Variants in UGT1A7 observed in about 807,000 individuals in gnomAD.
UGT1A7 encodes the protein UDP-glucuronosyltransferase 1A7.
A neutral mutation model predicts 45.6 loss-of-function variants in UGT1A7; 33 were observed. The ratio of observed to expected loss-of-function variants is 0.72; its 90% CI spans 0.55 to 0.97. The LOEUF is 0.97. UGT1A7 is among the 50% of genes least tolerant of loss of function. The pLI is 0.00. For missense variants in UGT1A7, 684 were observed against 666.2 expected (o/e 1.03, Z -0.29); for synonymous variants, 274 against 250.6 (o/e 1.09, Z -0.88).
chr2:233,724,253 C>T (rs2077196300), intron 1 of UGT1A7, among the ~76,000 whole-genome samples: 1 of 128,614 alleles, frequency 7.8e-6, no homozygotes, highest in Non-Finnish European at 1.7e-5. Flanking sequence ...AGGCGCCCCT[C>T]ACCTCCCGGA....
intron 1 of UGT1A7, chr2:233,713,496 G>A: frequency 3.1e-6 from 5 of 1,613,972 alleles, no homozygotes; most frequent in South Asian, 1.1e-5. Context: ...GTCGATTCCT[G>A]CTGTGTTTTT....
At chr2:233,745,643 G>C (rs1290211026) in intron 1 of UGT1A7, among the ~76,000 whole-genome samples, 1 of 151,416 alleles carries the variant, frequency 6.6e-6, no homozygotes, top group African/African-American at 2.4e-5. Context: ...CTGGCCGAGG[G>C]TAGAGTTCAG....
intron 1 of UGT1A7, chr2:233,717,743 G>A (rs182116418): frequency 2.2e-6 from 1 of 456,536 alleles, no homozygotes; most frequent in East Asian, 6.9e-5. Flanking sequence ...AGTGCTCAGG[G>A]TCTCCCCCTA....
chr2:233,720,322 A>G (rs1355455978), intron 1 of UGT1A7, among the ~76,000 whole-genome samples: 2 of 152,124 alleles, frequency 1.3e-5, no homozygotes, highest in African/African-American at 4.8e-5. Context: ...ATGTGGGGAC[A>G]TCGTAGAGTT....
At position 233,767,932 on chromosome 2, in the gene UGT1A7, G is replaced by C. The variant is rs754018098; in HGVS notation, c.1071G>C (p.Leu357=). The change falls in exon 3 of 5, where the codon CTG becomes CTC. Residue 357 remains leucine (L), a synonymous_variant. Coordinates refer to ENST00000373426, the MANE Select transcript of UGT1A7 (RefSeq NM_019077.3). ...TTAAGTGGCTACCCCAAAACGATCT[G>C]CTTGGTATGTTGGGCGGATTGGATG... ...ILVKWLPQND[L]LGHPMTRAFI... 3 of 1,614,064 alleles carry C rather than the reference G, an allele frequency of 1.9e-6. No individual in the cohort carries two copies. Among genetic ancestry groups the C allele is most frequent in the African/African-American group, 2.7e-5 (2 of 74,926 alleles).
At chr2:233,747,680 C>T (rs919271713) in intron 1 of UGT1A7, 69 of 1,607,988 alleles carry the variant, frequency 4.3e-5, no homozygotes, top group Non-Finnish European at 5.7e-5. Context: ...CAATTTACCT[C>T]TGTGGGGCAG....
chr2:233,706,522 G>A (rs1218157310), intron 1 of UGT1A7, among the ~76,000 whole-genome samples: 3 of 152,204 alleles, frequency 2.0e-5, no homozygotes, highest in South Asian at 4.1e-4. Flanking sequence ...ATTTTACAGC[G>A]GCTTAGAAAC....
intron 1 of UGT1A7, among the ~76,000 whole-genome samples, chr2:233,727,254 C>A (rs2077597251): frequency 6.6e-6 from 1 of 152,146 alleles, no homozygotes; most frequent in Admixed American, 6.5e-5. Flanking sequence ...CTGTGCAGCC[C>A]AGACCCCTCC....
At chr2:233,728,731 TG>T (rs1354171084) in intron 1 of UGT1A7, among the ~76,000 whole-genome samples, 1 of 152,164 alleles carries the variant, frequency 6.6e-6, no homozygotes, top group Non-Finnish European at 1.5e-5. Flanking sequence ...AGCATATGAC[TG>T]GGGGCTAGGG....
intron 1 of UGT1A7, chr2:233,747,707 A>C (rs1693758037): frequency 1.2e-6 from 2 of 1,612,800 alleles, no homozygotes; most frequent in East Asian, 4.5e-5. Context: ...CTAAGTACCT[A>C]TCAATTCCTG....
chr2:233,719,028 A>G (rs1032757626), intron 1 of UGT1A7: 1 of 1,614,250 alleles, frequency 6.2e-7, no homozygotes, highest in African/African-American at 1.3e-5. Context: ...TATGCACATC[A>G]AAGAAGAGAA....
intron 1 of UGT1A7, chr2:233,747,294 G>A (rs1361092863): frequency 6.2e-7 from 1 of 1,601,846 alleles, no homozygotes; most frequent in African/African-American, 1.3e-5. Flanking sequence ...CCTGGGCTGA[G>A]AGTGGGAAGG....
intron 1 of UGT1A7, among the ~76,000 whole-genome samples, chr2:233,703,389 A>T (rs77142050): frequency 0.032 from 4,829 of 151,980 alleles, 259 homozygotes; most frequent in African/African-American, 0.11. Flanking sequence ...TATATTTTCA[A>T]ATAAACAATT....
At chr2:233,724,359 C>G (rs1387977005) in intron 1 of UGT1A7, among the ~76,000 whole-genome samples, 2 of 146,918 alleles carry the variant, frequency 1.4e-5, no homozygotes, top group South Asian at 4.6e-4. Flanking sequence ...ACCTCCCTCC[C>G]GGACGGGGTG....
intron 1 of UGT1A7, chr2:233,729,571 G>T (rs965988508): frequency 1.2e-6 from 2 of 1,614,100 alleles, no homozygotes; most frequent in Non-Finnish European, 1.7e-6. Flanking sequence ...CTTTGATGTG[G>T]TTTTAACAGA....
At chr2:233,758,324 A>G (rs1465079880) in intron 1 of UGT1A7, among the ~76,000 whole-genome samples, 5 of 152,226 alleles carry the variant, frequency 3.3e-5, no homozygotes, top group Admixed American at 3.3e-4. Context: ...AAGCAGCCTC[A>G]AAAAGCTTGG....
chr2:233,683,242 T>C (rs1214148845), intron 1 of UGT1A7, among the ~76,000 whole-genome samples: 2 of 152,180 alleles, frequency 1.3e-5, no homozygotes, highest in Non-Finnish European at 2.9e-5. Flanking sequence ...TCATGCTGGC[T>C]ATGTTTTTTT....
rs2125521969 is a variant in UGT1A7 at position 233,682,030 on chromosome 2, G to A, written c.93G>A (p.Val31=). Residue 31 remains valine (V), a synonymous_variant, in exon 1 of 5, where the codon GTG becomes GTA. Transcript: ENST00000373426. The stretch of plus-strand genomic sequence containing the variant: ...CCAAGGCAGGGAAGCTGCTGGTAGT[G>A]CCCATGGATGGGAGCCACTGGTTCA... ...GFAKAGKLLV[V]PMDGSHWFTM... 3 of 1,614,138 alleles carry A rather than the reference G, an allele frequency of 1.9e-6. No individual in the cohort carries two copies. Among genetic ancestry groups the A allele is most frequent in the Middle Eastern group, 1.7e-4 (1 of 6,060 alleles).
intron 1 of UGT1A7, chr2:233,747,763 G>A (rs181313522): frequency 8.1e-6 from 13 of 1,613,376 alleles, no homozygotes; most frequent in East Asian, 6.7e-5. Flanking sequence ...GACTTTAAGG[G>A]CACACAGTGT....
Sources: allele counts gnomAD v4.1 joint callset (sites outside exome capture counted in the v4.1 genomes callset), GRCh38; gene constraint gnomAD v4.1.1; transcripts MANE v1.5; gene names NCBI Gene and HGNC (gene_info 2026-07-23, HGNC 2026-07-21).